The following LAMA2 variants were observed in gnomAD, a reference collection of about 807,000 sequenced individuals.
LAMA2 encodes laminin subunit alpha 2, also known as laminin subunit alpha-2.
LAMA2 carries 269 observed loss-of-function variants against 364.8 expected under a neutral mutation model. The observed-to-expected ratio is 0.74, with a 90% CI of 0.67 to 0.82. The LOEUF (loss-of-function observed/expected upper bound fraction) is 0.82, where lower values mean the gene tolerates loss of function less well. Ranked by LOEUF, LAMA2 falls within the 40% of genes least tolerant of loss-of-function variation. LAMA2 has a pLI of 0.00. For missense variants in LAMA2, 3,807 were observed against 3,873.2 expected, an observed-to-expected ratio of 0.98 and a Z score of 0.45; for synonymous variants, 1,379 against 1,370.6, an observed-to-expected ratio of 1.01 and a Z score of -0.14.
chr6:129,463,839 A>G (rs1783392617), intron 49 of LAMA2, among the ~76,000 whole-genome samples: 1 of 152,026 alleles, frequency 6.6e-6, no homozygotes, highest in South Asian at 2.1e-4. Flanking sequence ...AAGAAACCAT[A>G]AAAATAAATA....
At chr6:129,283,295 G>A (rs1160750719) in intron 18 of LAMA2, among the ~76,000 whole-genome samples, 1 of 152,096 alleles carries the variant, frequency 6.6e-6, no homozygotes, top group Admixed American at 6.6e-5. Context: ...AATATCAAGA[G>A]CAATTAAAAA....
chr6:129,305,527 A>G (rs192079918), intron 22 of LAMA2, among the ~76,000 whole-genome samples: 93 of 151,882 alleles, frequency 6.1e-4, no homozygotes, highest in Non-Finnish European at 1.2e-3. Context: ...ATCTCACTAT[A>G]TTGCCCATGC....
chr6:129,423,519 T>A (rs1485449579), intron 40 of LAMA2, among the ~76,000 whole-genome samples: 1 of 151,784 alleles, frequency 6.6e-6, no homozygotes, highest in Non-Finnish European at 1.5e-5. Flanking sequence ...CAAGACCTCA[T>A]CTCTACAACC....
chr6:129,480,836 C>T (rs1216261785), intron 54 of LAMA2, among the ~76,000 whole-genome samples: 1 of 152,018 alleles, frequency 6.6e-6, no homozygotes, highest in East Asian at 1.9e-4. Context: ...AAAACATAAA[C>T]AATTAAGTGA....
intron 6 of LAMA2, among the ~76,000 whole-genome samples, chr6:129,147,565 A>T (rs1037178134): frequency 3.3e-5 from 5 of 152,128 alleles, no homozygotes; most frequent in African/African-American, 1.2e-4. Context: ...GGAAAATGCC[A>T]GAATGCTTTT....
At chr6:129,366,069 C>T in intron 32 of LAMA2, 150 bp from the exon 33 acceptor site, 2 of 822,806 alleles carry the variant, frequency 2.4e-6, no homozygotes. Context: ...CAACCATCAT[C>T]CATTTGATAG....
chr6:129,240,519 C>A (rs1487026864), intron 12 of LAMA2, among the ~76,000 whole-genome samples: 1 of 152,120 alleles, frequency 6.6e-6, no homozygotes, highest in Non-Finnish European at 1.5e-5. Flanking sequence ...ACTCCCATTA[C>A]CTTTCCAAAC....
chr6:129,198,112 T>C (rs923667530), intron 12 of LAMA2, among the ~76,000 whole-genome samples: 2 of 152,040 alleles, frequency 1.3e-5, no homozygotes, highest in Non-Finnish European at 2.9e-5. Context: ...AGTTGGTTTG[T>C]GATGTGGTTG....
At chr6:129,024,273 AAG>A (rs1388270110) in intron 1 of LAMA2, among the ~76,000 whole-genome samples, 12 of 151,792 alleles carry the variant, frequency 7.9e-5, no homozygotes, top group African/African-American at 2.9e-4. Flanking sequence ...TTAAAAAAAA[AAG>A]TAGGAAGCAT....
chr6:129,341,245 A>C (rs1776253115), intron 29 of LAMA2, among the ~76,000 whole-genome samples: 1 of 152,226 alleles, frequency 6.6e-6, no homozygotes, highest in Non-Finnish European at 1.5e-5. Flanking sequence ...ATGGGATATC[A>C]TCCAAGTTCA....
intron 1 of LAMA2, among the ~76,000 whole-genome samples, chr6:128,977,348 C>T (rs1034964047): frequency 1.3e-5 from 2 of 151,080 alleles, no homozygotes; most frequent in Admixed American, 6.6e-5. Context: ...CAGCCTCAAC[C>T]TCCTGGGCTC....
At chr6:128,992,208 G>A (rs1783652477) in intron 1 of LAMA2, among the ~76,000 whole-genome samples, 2 of 152,232 alleles carry the variant, frequency 1.3e-5, no homozygotes, top group South Asian at 4.1e-4. Flanking sequence ...GGCGGCCAGT[G>A]AGCAAGCGCA....
chr6:129,154,423 A>G, intron 7 of LAMA2, 82 bp from the exon 8 acceptor site: 1 of 1,313,896 alleles, frequency 7.6e-7, no homozygotes, highest in Non-Finnish European at 1.1e-6. Context: ...CAAAAAAAAA[A>G]TCTATTATGT....
chr6:129,063,208 C>A (rs1266108336), intron 3 of LAMA2, among the ~76,000 whole-genome samples: 1 of 151,910 alleles, frequency 6.6e-6, no homozygotes, highest in African/African-American at 2.4e-5. Flanking sequence ...ACAATTACAG[C>A]TATTAAAAGG....
At chr6:129,194,657 G>A (rs1457050035) in intron 12 of LAMA2, among the ~76,000 whole-genome samples, 1 of 152,126 alleles carries the variant, frequency 6.6e-6, no homozygotes, top group Non-Finnish European at 1.5e-5. Context: ...TGAATACGGA[G>A]GACATTTTTA....
chr6:129,374,315 G>A (rs1778248519), intron 34 of LAMA2, among the ~76,000 whole-genome samples: 1 of 152,162 alleles, frequency 6.6e-6, no homozygotes, highest in Non-Finnish European at 1.5e-5. Context: ...ACCAGGGTAT[G>A]AGAAATGCAG....
intron 3 of LAMA2, among the ~76,000 whole-genome samples, chr6:129,060,438 T>A (rs1254892762): frequency 6.6e-6 from 1 of 152,240 alleles, no homozygotes; most frequent in Admixed American, 6.5e-5. Flanking sequence ...TTGTCTTGCA[T>A]AGGCCTGGGT....
At chr6:129,431,907 T>C (rs1781615424) in intron 41 of LAMA2, among the ~76,000 whole-genome samples, 1 of 152,200 alleles carries the variant, frequency 6.6e-6, no homozygotes, top group African/African-American at 2.4e-5. Context: ...CCTGTTGAGA[T>C]TCTGTGTTAT....
intron 15 of LAMA2, among the ~76,000 whole-genome samples, chr6:129,261,275 T>C (rs1469658172): frequency 2.0e-5 from 3 of 152,044 alleles, no homozygotes; most frequent in Non-Finnish European, 2.9e-5. Flanking sequence ...CTGAAGCATA[T>C]AATCTTCAGA....
Sources: gnomAD v4.1 joint callset for allele counts (sites outside exome capture counted in the v4.1 genomes callset) on GRCh38, gnomAD v4.1.1 for gene constraint, MANE v1.5 for transcripts, NCBI Gene and HGNC (gene_info 2026-07-23, HGNC 2026-07-21) for gene names.